The following USP49 variants were observed in gnomAD, a reference collection of about 807,000 sequenced individuals.
The protein encoded by USP49 is ubiquitin carboxyl-terminal hydrolase 49.
USP49 carries 24 observed loss-of-function variants against 58.6 expected under a neutral mutation model. The observed-to-expected ratio is 0.41, with a 90% CI of 0.30 to 0.58. The LOEUF (loss-of-function observed/expected upper bound fraction) is 0.58, where lower values mean the gene tolerates loss of function less well. USP49 is among the 20% of genes least tolerant of loss of function. USP49 has a pLI of 0.30. For missense variants in USP49, 703 were observed against 866.1 expected (o/e 0.81, Z 2.36); for synonymous variants, 408 against 365.1 (o/e 1.12, Z -1.34).
chr6:41,838,815 G>A (rs1773770674), intron 3 of USP49, among the ~76,000 whole-genome samples: 1 of 152,078 alleles, frequency 6.6e-6, no homozygotes, highest in Non-Finnish European at 1.5e-5. Flanking sequence ...CTCCAAGATA[G>A]ACCACATATA....
chr6:41,844,335 T>C (rs1428054007), intron 3 of USP49, among the ~76,000 whole-genome samples: 1 of 152,146 alleles, frequency 6.6e-6, no homozygotes, highest in Non-Finnish European at 1.5e-5. Context: ...TTTTCTTTCT[T>C]TGAGACAGAG....
At chr6:41,809,504 G>A (rs959473095) in intron 3 of USP49, among the ~76,000 whole-genome samples, 1 of 151,846 alleles carries the variant, frequency 6.6e-6, no homozygotes, top group Non-Finnish European at 1.5e-5. Flanking sequence ...CAGCCTGGAG[G>A]ACAGAGCAAG....
chr6:41,888,829 C>T (rs1167989620), intron 2 of USP49, among the ~76,000 whole-genome samples: 4 of 152,014 alleles, frequency 2.6e-5, no homozygotes, highest in African/African-American at 7.3e-5. Flanking sequence ...TCCTTCAGGT[C>T]ACGAGTTTAT....
intron 3 of USP49, among the ~76,000 whole-genome samples, chr6:41,861,661 C>T (rs1488759219): frequency 1.3e-5 from 2 of 151,548 alleles, no homozygotes; most frequent in African/African-American, 4.9e-5. Context: ...CCTCTTTTAA[C>T]TTAATATATC....
chr6:41,866,073 C>T (rs747533318), intron 3 of USP49, among the ~76,000 whole-genome samples: 5 of 151,658 alleles, frequency 3.3e-5, no homozygotes, highest in Non-Finnish European at 7.4e-5. Flanking sequence ...AGGCGCCCAC[C>T]ACCACGTCCC....
Position 41,810,200 on chromosome 6 carries a change from G to A in USP49, c.-28-3189C>T, listed in dbSNP as rs149626650. On this transcript the variant is annotated intron_variant, in intron 3 of 7. Coordinates refer to ENST00000682992, the MANE Select transcript of USP49 (RefSeq NM_001286554.2). ...AAAAATAAAGAAAATAATAAAATAG[G>A]CCGGGTGCAGTGGCTCACGCCTGTA... Among the ~76,000 whole-genome samples, 7 of 151,470 alleles carry A rather than the reference G, an allele frequency of 4.6e-5. No homozygotes were observed. The South Asian group carries it at 1.5e-3, about 32-fold the overall frequency.
intron 3 of USP49, among the ~76,000 whole-genome samples, chr6:41,825,380 C>T (rs1181144173): frequency 6.6e-6 from 1 of 150,828 alleles, no homozygotes; most frequent in Non-Finnish European, 1.5e-5. Context: ...TGAGATCCCA[C>T]AGAAGGAAGT....
chr6:41,882,815 C>A (rs1275029707), intron 2 of USP49, among the ~76,000 whole-genome samples: 1 of 152,134 alleles, frequency 6.6e-6, no homozygotes, highest in African/African-American at 2.4e-5. Flanking sequence ...ACTCGGGAAG[C>A]TGATGCAGGA....
At chr6:41,826,013 C>T (rs767037776) in intron 3 of USP49, among the ~76,000 whole-genome samples, 7 of 152,204 alleles carry the variant, frequency 4.6e-5, no homozygotes, top group Non-Finnish European at 8.8e-5. Context: ...CCTATAATCC[C>T]GGCACTTTGG....
chr6:41,892,052 A>AT (rs1774818375), intron 1 of USP49, among the ~76,000 whole-genome samples, 177 bp from the exon 2 acceptor site: 1 of 152,222 alleles, frequency 6.6e-6, no homozygotes. Context: ...GTCCTTATTG[A>AT]TAAATAGTAT....
chr6:41,880,328 G>A (rs1218876820), intron 2 of USP49, among the ~76,000 whole-genome samples: 1 of 152,058 alleles, frequency 6.6e-6, no homozygotes, highest in Non-Finnish European at 1.5e-5. Flanking sequence ...GAGTTCGAGA[G>A]GAAGAACAGA....
intron 1 of USP49, among the ~76,000 whole-genome samples, chr6:41,892,230 A>G (rs938070273): frequency 6.6e-6 from 1 of 152,162 alleles, no homozygotes; most frequent in Non-Finnish European, 1.5e-5. Context: ...TTCCTTCTTT[A>G]CCAATATCAA....
intron 7 of USP49, chr6:41,797,899 A>C: frequency 4.7e-6 from 4 of 847,590 alleles, no homozygotes; most frequent in Non-Finnish European, 5.7e-6. Flanking sequence ...TCAGGATCTC[A>C]CTCTGTTGCC....
At chr6:41,879,756 C>G (rs1349136672) in intron 2 of USP49, among the ~76,000 whole-genome samples, 3 of 152,178 alleles carry the variant, frequency 2.0e-5, no homozygotes, top group African/African-American at 7.2e-5. Flanking sequence ...ACTCAGCTTC[C>G]CAAATGATAC....
At chr6:41,802,436 A>ATTTTATTTTATTTTATTTTAT (rs775647919) in intron 5 of USP49, among the ~76,000 whole-genome samples, 4 of 32,680 alleles carry the variant, frequency 1.2e-4, no homozygotes, top group Non-Finnish European at 2.0e-4. Context: ...TATTTTATTT[A>ATTTTATTTTATTTTATTTTAT]TTTATTTATT....
chr6:41,847,337 A>C (rs2127348762), intron 3 of USP49, among the ~76,000 whole-genome samples: 1 of 152,318 alleles, frequency 6.6e-6, no homozygotes, highest in Admixed American at 6.5e-5. Flanking sequence ...AAAAGATCCA[A>C]ACAGAAATTC....
intron 3 of USP49, among the ~76,000 whole-genome samples, chr6:41,808,534 C>T (rs1298108749): frequency 1.3e-5 from 2 of 151,642 alleles, no homozygotes; most frequent in Non-Finnish European, 2.9e-5. Flanking sequence ...CTCAGCCTCC[C>T]GAGTAGCTGG....
Position 41,796,115 on chromosome 6 carries a change from G to A in USP49, c.*418C>T. 6.4e-6 allele frequency: 1 copy of A among 156,198 alleles called. No individual in the cohort carries two copies. Among genetic ancestry groups the A allele is most frequent in the Non-Finnish European group, 1.4e-5 (1 of 70,594 alleles). The allele number at this position is 156,198 out of a possible 1,614,324, so 9.7% of individuals were successfully genotyped here. ...GCTAGCCCAGGGCCCCTCCTCACGT[G>A]CTCTGTCCAGGACTGCTCACATCCG... On this transcript the variant is annotated 3_prime_UTR_variant, in exon 8 of 8. Transcript: ENST00000682992.
chr6:41,827,966 T>C (rs537836661), intron 3 of USP49, among the ~76,000 whole-genome samples: 1 of 152,184 alleles, frequency 6.6e-6, no homozygotes, highest in Non-Finnish European at 1.5e-5. Flanking sequence ...AAAGCTGGCT[T>C]ACTCAAATTT....
Sources: allele counts gnomAD v4.1 joint callset (sites outside exome capture counted in the v4.1 genomes callset), GRCh38; gene constraint gnomAD v4.1.1; transcripts MANE v1.5; gene names NCBI Gene and HGNC (gene_info 2026-07-23, HGNC 2026-07-21).